The following DCXR variants were observed in gnomAD, a reference collection of about 807,000 sequenced individuals.
DCXR encodes the protein L-xylulose reductase.
In DCXR, 24 loss-of-function variants were observed where a neutral mutation model predicts 25.9. That is an observed-to-expected ratio of 0.93 (90% confidence interval 0.67 to 1.30). DCXR has a LOEUF of 1.30. Among genes scored for constraint, DCXR ranks in the 50% most tolerant of loss-of-function variants. The pLI is 0.00. For synonymous variants in DCXR, 161 were observed against 141.7 expected, an observed-to-expected ratio of 1.14 and a Z score of -0.97; for missense variants, 348 against 333.7, an observed-to-expected ratio of 1.04 and a Z score of -0.33.
In DCXR at chr17:82,036,241, G is replaced by T. The variant is rs1412797333; in HGVS notation, c.581C>A (p.Pro194His). The T allele has an allele frequency of 6.2e-7, 1 of 1,613,678 alleles. No individual in the cohort carries two copies. Among genetic ancestry groups the T allele is most frequent in the Non-Finnish European group, 8.5e-7 (1 of 1,180,010 alleles). Reference protein sequence around the residue: ...TSMGQATWSDPHKAKTMLNRI... With the variant: ...TSMGQATWSDHHKAKTMLNRI... ...GTTCAGCATAGTCTTGGCCTTGTGG[G>T]GGTCACTCCAGGTGGCCTGGCCCAT... is the stretch of plus-strand genomic sequence containing the variant. The change falls in exon 7 of 8, where the codon CCC becomes CAC. Residue 194 changes from proline to histidine, a missense_variant. Pro to His is a moderately conservative substitution (Grantham distance 77). Transcript: ENST00000306869.
At chr17:82,037,384 G>GC in intron 2 of DCXR, 66 bp downstream of exon 2, 1 of 1,456,690 alleles carries the variant, frequency 6.9e-7, no homozygotes, top group Non-Finnish European at 9.1e-7. Context: ...CAGAGGTACC[G>GC]CCCCCGCTCG....
rs747859957 is a variant in DCXR at position 82,036,713 on chromosome 17, C to G, written c.348+8G>C. Reference sequence around the variant, plus strand: ...GAGAATTCCCGTCCAGCCCACAGGGCAGCTCACCTGCGACACCTGGATGAC... The same window carrying G: ...GAGAATTCCCGTCCAGCCCACAGGGGAGCTCACCTGCGACACCTGGATGAC... On this transcript the variant is annotated splice_region_variant and intron_variant, in intron 4 of 7. Coordinates refer to ENST00000306869, the MANE Select transcript of DCXR (RefSeq NM_016286.4). The G allele has an allele frequency of 6.2e-7, 1 of 1,613,624 alleles. No individual in the cohort carries two copies. Among genetic ancestry groups the G allele is most frequent in the South Asian group, 1.1e-5 (1 of 91,072 alleles).
At chr17:82,037,269 G>T (rs1322589298) in intron 2 of DCXR, 181 bp downstream of exon 2, 10 of 904,750 alleles carry the variant, frequency 1.1e-5, no homozygotes, top group Non-Finnish European at 1.6e-5. Context: ...CGGCTCTGCC[G>T]ACCACCCGGC....
rs1176140655 is a variant in DCXR at position 82,036,551 on chromosome 17, G to A, written c.441C>T (p.Ser147=). Residue 147 remains serine, a synonymous_variant, in exon 5 of 8, where the codon AGC becomes AGT. Transcript: ENST00000306869. ...QCSQRAVTNH[S]VYCSTKGALD... ...CACAGCTGGGGCACTCACAGTAGAC[G>A]CTATGGTTAGTTACTGCCCGCTGGG... is the stretch of plus-strand genomic sequence containing the variant. 1.2e-5 allele frequency: 20 copies of A among 1,612,916 alleles called. No individual in the cohort carries two copies. The highest frequency in any genetic ancestry group is 4.0e-5 in the African/African-American group (3 of 74,896).
intron 5 of DCXR, 40 bp from the exon 6 acceptor site, chr17:82,036,488 T>A (rs2043492868): frequency 2.5e-6 from 4 of 1,612,040 alleles, no homozygotes; most frequent in Non-Finnish European, 3.4e-6. Context: ...CTGGGGTCGG[T>A]GATGAGGGCG....
In DCXR at chr17:82,036,463, C is replaced by A; in HGVS notation, c.449-15G>T. 6.2e-7 allele frequency: 1 copy of A among 1,613,414 alleles called. No homozygotes were observed. Reference sequence around the variant, plus strand: ...CTTGGTGGAGCCTACGAAGAGGAACCCAAGCTGGCTGGGGCTGGGGTCGGT... The same window carrying A: ...CTTGGTGGAGCCTACGAAGAGGAACACAAGCTGGCTGGGGCTGGGGTCGGT... On this transcript the variant is annotated splice_polypyrimidine_tract_variant and intron_variant, in intron 5 of 7. Transcript: ENST00000306869.
Position 82,036,931 on chromosome 17 carries a change from T to C in DCXR, c.233A>G (p.Asp78Gly), listed in dbSNP as rs2043498220. ...GACAGCGGCGTTGTTCACCAGCAGG[T>C]CCACGGGGCCCACGCTGCCCAGCGC... Reference protein sequence around the residue: ...ERALGSVGPVDLLVNNAAVAL... With the variant: ...ERALGSVGPVGLLVNNAAVAL... Residue 78 changes from aspartate (D) to glycine (G), a missense_variant, in exon 3 of 8, where the codon GAC becomes GGC. Transcript: ENST00000306869. 1.9e-6 allele frequency: 3 copies of C among 1,611,752 alleles called. No homozygotes were observed. The highest frequency in any genetic ancestry group is 1.3e-5 in the African/African-American group (1 of 74,812).
chr17:82,037,644 G>C lies in DCXR; in HGVS notation c.39C>G (p.Thr13=). The stretch of plus-strand genomic sequence containing the variant: ...CCCGCCGCCCACCTTTGCCTGCCCC[G>C]GTGACCAGCACCCGGCGGCCCGCGA... ...LFLAGRRVLV[T]GAGKGIGRGT... Residue 13 remains threonine (T), a synonymous_variant, in exon 1 of 8, where the codon ACC becomes ACG. Transcript: ENST00000306869. The C allele has an allele frequency of 6.3e-7, 1 of 1,589,418 alleles. No homozygotes were observed. Among genetic ancestry groups the C allele is most frequent in the South Asian group, 1.1e-5 (1 of 89,418 alleles).
chr17:82,037,063 C>T (rs376951347), intron 2 of DCXR, 50 bp from the exon 3 acceptor site: 53 of 1,546,886 alleles, frequency 3.4e-5, no homozygotes, highest in Non-Finnish European at 4.6e-5. Flanking sequence ...CAGCAAGCGG[C>T]ACAGCTGGGG....
At chr17:82,037,371 G>A (rs1017513525) in intron 2 of DCXR, 79 bp downstream of exon 2, 4 of 1,389,360 alleles carry the variant, frequency 2.9e-6, no homozygotes, top group Non-Finnish European at 3.8e-6. Flanking sequence ...GCGGAGTCGC[G>A]CACAGAGGTA....
rs750190857 is a variant in DCXR, at chr17:82,036,138, G to A, written c.631+53C>T. On this transcript the variant is annotated intron_variant, in intron 7 of 7. Coordinates refer to ENST00000306869, the MANE Select transcript of DCXR (RefSeq NM_016286.4). ...ATCTTTCCCTCCCACCCCTACCCAG[G>A]GCACACACAGGGACTGCTGGCACCA... 5.0e-6 allele frequency: 8 copies of A among 1,606,314 alleles called. No homozygotes were observed. In the African/African-American group the frequency reaches 1.1e-4, roughly 21 times the overall value.
chr17:82,036,646 G>A lies in DCXR; in HGVS notation c.349-3C>T. 1 of 1,613,386 alleles carries A rather than the reference G, an allele frequency of 6.2e-7. No homozygotes were observed. The highest frequency in any genetic ancestry group is 8.5e-7 in the Non-Finnish European group (1 of 1,179,994). On this transcript the variant is annotated splice_region_variant and splice_polypyrimidine_tract_variant and intron_variant, in intron 4 of 7. Transcript: ENST00000306869. ...GCTATTAAGCCCCTGGCCACAATCT[G>A]GAATCGCAGCGAGACCGTGAGGCAG... is the stretch of plus-strand genomic sequence containing the variant.
chr17:82,036,375 C>T lies in DCXR; in HGVS notation c.513+9G>A. 6.2e-7 allele frequency: 1 copy of T among 1,613,328 alleles called. No individual in the cohort carries two copies. ...CCTAGGTTGGGGGAGGTACCCCAGCCCTGCTCACCTTGTGGGGCCCGAGCT... is the reference window on the plus strand; with the variant it reads ...CCTAGGTTGGGGGAGGTACCCCAGCTCTGCTCACCTTGTGGGGCCCGAGCT... On this transcript the variant is annotated intron_variant, in intron 6 of 7. Coordinates refer to ENST00000306869, the MANE Select transcript of DCXR (RefSeq NM_016286.4).
At position 82,036,254 on chromosome 17, in the gene DCXR, TG is replaced by T. The variant is rs769301193; in HGVS notation, c.567del (p.Thr190ProfsTer12). The T allele has an allele frequency of 6.2e-7, 1 of 1,613,616 alleles. No homozygotes were observed. Among genetic ancestry groups the T allele is most frequent in the Non-Finnish European group, 8.5e-7 (1 of 1,180,004 alleles). The part of the protein sequence containing the change: ...PTVVMTSMGQ[A>X]TWSDPHKAKT... Reference sequence around the variant, plus strand: ...TTGGCCTTGTGGGGGTCACTCCAGGTGGCCTGGCCCATGGACGTCATCACCA... The same window carrying T: ...TTGGCCTTGTGGGGGTCACTCCAGGTGCCTGGCCCATGGACGTCATCACCA... On this transcript the variant is annotated frameshift_variant, in exon 7 of 8. Transcript: ENST00000306869. LOFTEE classifies it high-confidence loss of function.
In DCXR at chr17:82,037,662, G is replaced by C; in HGVS notation, c.21C>G (p.Gly7=). 6.3e-7 allele frequency: 1 copy of C among 1,591,116 alleles called. No homozygotes were observed. MELFLA[G]RRVLVTGAGK... ...CTGCCCCGGTGACCAGCACCCGGCG[G>C]CCCGCGAGGAACAGCTCCATGTCGG... Residue 7 remains glycine (G), a synonymous_variant, in exon 1 of 8, where the codon GGC becomes GGG. Transcript: ENST00000306869.
intron 2 of DCXR, 129 bp downstream of exon 2, chr17:82,037,321 G>A: frequency 1.8e-6 from 2 of 1,103,188 alleles, no homozygotes; most frequent in African/African-American, 1.7e-5. Flanking sequence ...GTGCGCGGGC[G>A]CCCAGGCCGC....
In DCXR at chr17:82,035,878, G is replaced by C; in HGVS notation, c.*82C>G. 7.8e-7 allele frequency: 1 copy of C among 1,286,462 alleles called. No individual in the cohort carries two copies. The highest frequency in any genetic ancestry group is 1.1e-6 in the Non-Finnish European group (1 of 899,366). 79.7% of individuals were successfully genotyped at this position (1,286,462 alleles called of 1,614,324 possible). A position where few individuals can be genotyped will look rare whatever the true frequency, so the allele number is the denominator to read the frequency against. ...GCTGGCAGCCTAGGAATAGCACATAGTCTGGGCAGCAGAATCAGGTTTATT... is the reference window on the plus strand; with the variant it reads ...GCTGGCAGCCTAGGAATAGCACATACTCTGGGCAGCAGAATCAGGTTTATT... On this transcript the variant is annotated 3_prime_UTR_variant, in exon 8 of 8. Coordinates refer to ENST00000306869, the MANE Select transcript of DCXR (RefSeq NM_016286.4).
Position 82,036,852 on chromosome 17 carries a change from G to A in DCXR, c.305+7C>T, listed in dbSNP as rs1414774680. ...TCCCTGAGGTTCCTCCGCCCTCACA[G>A]GCTCACCTGTCAAAGGCCTCCTTGG... is the stretch of plus-strand genomic sequence containing the variant. On this transcript the variant is annotated splice_region_variant and intron_variant, in intron 3 of 7. Transcript: ENST00000306869. The A allele has an allele frequency of 6.2e-7, 1 of 1,613,414 alleles. No homozygotes were observed. The highest frequency in any genetic ancestry group is 8.5e-7 in the Non-Finnish European group (1 of 1,179,990).
chr17:82,037,508 C>A lies in DCXR; in HGVS notation c.92G>T (p.Gly31Val). 1 of 1,541,152 alleles carries A rather than the reference C, an allele frequency of 6.5e-7. No individual in the cohort carries two copies. Among genetic ancestry groups the A allele is most frequent in the Non-Finnish European group, 8.7e-7 (1 of 1,150,730 alleles). Residue 31 changes from glycine to valine, a missense_variant, in exon 2 of 8, where the codon GGC becomes GTC. By Grantham distance (109) the Gly-to-Val change is moderately radical. Coordinates refer to ENST00000306869, the MANE Select transcript of DCXR (RefSeq NM_016286.4). ...RGTVQALHATGARVVAVSRTQ... is the reference protein window; with the variant it reads ...RGTVQALHATVARVVAVSRTQ... ...CCGGCTCACAGCCACCACCCGCGCG[C>A]CCGTCGCGTGCAGCGCCTGGACCGT... is the stretch of plus-strand genomic sequence containing the variant.
Sources: gnomAD v4.1 joint callset for allele counts on GRCh38, gnomAD v4.1.1 for gene constraint, MANE v1.5 for transcripts, NCBI Gene and HGNC (gene_info 2026-07-23, HGNC 2026-07-21) for gene names.